Variants in GRIN2A observed in about 807,000 individuals in gnomAD.
GRIN2A encodes glutamate receptor ionotropic, NMDA 2A.
In GRIN2A, 22 loss-of-function variants were observed where a neutral mutation model predicts 113.4. The ratio of observed to expected loss-of-function variants is 0.19; its 90% CI spans 0.14 to 0.28. The LOEUF (loss-of-function observed/expected upper bound fraction) is 0.28, where lower values mean the gene tolerates loss of function less well. GRIN2A is among the 10% of genes least tolerant of loss of function. The pLI, the probability that GRIN2A is intolerant of heterozygous loss-of-function variation, is 1.00. For missense variants in GRIN2A, 1,502 were observed against 1,887.0 expected (o/e 0.80, Z 3.78); for synonymous variants, 827 against 738.4 (o/e 1.12, Z -1.94).
intron 2 of GRIN2A, among the ~76,000 whole-genome samples, chr16:10,134,352 T>C (rs1295964982): frequency 6.6e-6 from 1 of 152,124 alleles, no homozygotes; most frequent in African/African-American, 2.4e-5. Context: ...AATATGTGTT[T>C]CCAGCCTAAG....
At chr16:10,070,518 TA>T (rs144755324) in intron 2 of GRIN2A, among the ~76,000 whole-genome samples, 2,463 of 151,610 alleles carry the variant, frequency 0.016, 33 homozygotes, top group South Asian at 0.065. Flanking sequence ...TAATTACAGT[TA>T]AAAAAAAATG....
At chr16:9,916,973 G>C (rs2044265470) in intron 3 of GRIN2A, among the ~76,000 whole-genome samples, 1 of 152,202 alleles carries the variant, frequency 6.6e-6, no homozygotes, top group South Asian at 2.1e-4. Context: ...GTTCATAGCA[G>C]ACACTCTGAA....
At chr16:9,809,599 T>C (rs13336207) in intron 10 of GRIN2A, among the ~76,000 whole-genome samples, 1 of 151,950 alleles carries the variant, frequency 6.6e-6, no homozygotes, top group Non-Finnish European at 1.5e-5. Flanking sequence ...AGAAGCAATA[T>C]AGCATAATGG....
At chr16:9,882,749 C>A (rs545462856) in intron 4 of GRIN2A, among the ~76,000 whole-genome samples, 1 of 152,118 alleles carries the variant, frequency 6.6e-6, no homozygotes, top group South Asian at 2.1e-4. Flanking sequence ...ATTGTGCCTG[C>A]ACTCCAGCCT....
intron 2 of GRIN2A, among the ~76,000 whole-genome samples, chr16:10,089,584 G>A (rs987643881): frequency 2.6e-5 from 4 of 152,024 alleles, no homozygotes; most frequent in Non-Finnish European, 5.9e-5. Context: ...GAGAGTTTGG[G>A]GTATGTGTGC....
At chr16:10,012,029 G>T (rs74008906) in intron 2 of GRIN2A, among the ~76,000 whole-genome samples, 255 of 152,278 alleles carry the variant, frequency 1.7e-3, no homozygotes, top group African/African-American at 5.8e-3. Flanking sequence ...AATTAGTTAG[G>T]ATCCCAGTCC....
At chr16:9,992,880 C>T (rs984821866) in intron 2 of GRIN2A, among the ~76,000 whole-genome samples, 2 of 152,106 alleles carry the variant, frequency 1.3e-5, no homozygotes, top group Non-Finnish European at 2.9e-5. Context: ...CAACACTACC[C>T]GTTCCTGCCA....
chr16:10,158,513 C>T (rs1389873115), intron 2 of GRIN2A, among the ~76,000 whole-genome samples: 1 of 152,126 alleles, frequency 6.6e-6, no homozygotes, highest in African/African-American at 2.4e-5. Flanking sequence ...CAGATGGAAA[C>T]AGCACAAATG....
Position 9,959,661 on chromosome 16 carries a change from T to C in GRIN2A, c.415-21110A>G, listed in dbSNP as rs2045390934. ...AGAGGGCTTGCCAATGGTTTTCTTG[T>C]GGTTTTATTCGTGTACTAATTAAAA... is the stretch of plus-strand genomic sequence containing the variant. On this transcript the variant is annotated intron_variant, in intron 2 of 12. Transcript: ENST00000330684. 2.0e-5 allele frequency among the ~76,000 whole-genome samples: 3 copies of C among 152,228 alleles called. No individual in the cohort carries two copies. In the South Asian group the frequency reaches 6.2e-4, roughly 32 times the overall value.
intron 2 of GRIN2A, among the ~76,000 whole-genome samples, chr16:10,102,844 AGAC>A (rs1375064777): frequency 6.6e-6 from 1 of 152,186 alleles, no homozygotes; most frequent in Admixed American, 6.5e-5. Flanking sequence ...CCAAAATCAA[AGAC>A]TACATTTATC....
rs559046027 is a variant in GRIN2A, at chr16:10,135,387, T to G, written c.414+44611A>C. Reference sequence around the variant, plus strand: ...ATGCCTTCTCTAACATGTTTCTTACTTCTGAGTCCCCAGAAACAGAACTGT... The same window carrying G: ...ATGCCTTCTCTAACATGTTTCTTACGTCTGAGTCCCCAGAAACAGAACTGT... On this transcript the variant is annotated intron_variant, in intron 2 of 12. Coordinates refer to ENST00000330684, the MANE Select transcript of GRIN2A (RefSeq NM_001134407.3). Among the ~76,000 whole-genome samples the G allele has an allele frequency of 4.6e-5, 7 of 152,350 alleles. No homozygotes were observed. In the South Asian group the frequency reaches 1.4e-3, roughly 32 times the overall value.
At chr16:10,179,893 C>CCCAACAAAAAAAA in intron 2 of GRIN2A, 105 bp downstream of exon 2, 1 of 719,818 alleles carries the variant, frequency 1.4e-6, no homozygotes, top group Non-Finnish European at 2.4e-6. Context: ...CCCCCACCCC[C>CCCAACAAAAAAAA]ACTTCACATC....
intron 3 of GRIN2A, among the ~76,000 whole-genome samples, chr16:9,925,055 T>C (rs2044431282): frequency 1.3e-5 from 2 of 152,224 alleles, no homozygotes; most frequent in Admixed American, 1.3e-4. Context: ...CTGGTAACTT[T>C]TGATGGGATG....
intron 12 of GRIN2A, among the ~76,000 whole-genome samples, chr16:9,767,230 G>C (rs1320539749): frequency 6.6e-6 from 1 of 152,174 alleles, no homozygotes; most frequent in Admixed American, 6.5e-5. Context: ...CACAGAACCC[G>C]AGTTTGGAGT....
chr16:9,815,227 A>G (rs1487840670), intron 10 of GRIN2A, among the ~76,000 whole-genome samples: 2 of 152,066 alleles, frequency 1.3e-5, no homozygotes, highest in Non-Finnish European at 2.9e-5. Context: ...TTAGAAAAAT[A>G]TTTATTGGTA....
At chr16:9,810,797 G>A (rs552233866) in intron 10 of GRIN2A, among the ~76,000 whole-genome samples, 1 of 152,294 alleles carries the variant, frequency 6.6e-6, no homozygotes, top group South Asian at 2.1e-4. Flanking sequence ...GCCACTCTAG[G>A]AAACTACTTC....
rs766162952 is a variant in GRIN2A, at chr16:9,841,007, C to T, written c.1426G>A (p.Asp476Asn). 9.3e-6 allele frequency: 15 copies of T among 1,613,272 alleles called. No individual in the cohort carries two copies. Among genetic ancestry groups the T allele is most frequent in the Admixed American group, 3.3e-5 (2 of 59,984 alleles). The stretch of plus-strand genomic sequence containing the variant: ...TTCCCATTGGTCACCAGATAGAGGT[C>T]GTAAGTAAACTTCACAGTTCTGGAA... ...KLSRTVKFTY[D>N]LYLVTNGKHG... The change falls in exon 6 of 13, where the codon GAC becomes AAC. Residue 476 changes from aspartate to asparagine, a missense_variant. Physicochemically the swap from Asp to Asn is conservative, Grantham distance 23 (BLOSUM62 1). Around this residue, in one of 7 missense-constraint regions of GRIN2A, gnomAD observed 82 missense variants for 222.7 expected, o/e 0.37. Coordinates refer to ENST00000330684, the MANE Select transcript of GRIN2A (RefSeq NM_001134407.3).
intron 2 of GRIN2A, among the ~76,000 whole-genome samples, chr16:9,997,750 G>A (rs1489776831): frequency 2.0e-5 from 3 of 152,132 alleles, no homozygotes; most frequent in Admixed American, 2.0e-4. Context: ...TCATGGAGGT[G>A]GGTTTTTCCT....
chr16:9,841,670 C>T (rs1429364322), intron 5 of GRIN2A, among the ~76,000 whole-genome samples: 1 of 152,156 alleles, frequency 6.6e-6, no homozygotes, highest in Non-Finnish European at 1.5e-5. Flanking sequence ...GGGTTCTATT[C>T]CATGCCTGAT....
Sources: gnomAD v4.1 joint callset for allele counts (sites outside exome capture counted in the v4.1 genomes callset) on GRCh38, gnomAD v4.1.1 for gene constraint, gnomAD v4.1.1 regional missense constraint, MANE v1.5 for transcripts, NCBI Gene and HGNC (gene_info 2026-07-23, HGNC 2026-07-21) for gene names.